The following LRFN5 variants were observed in gnomAD, a reference collection of about 807,000 sequenced individuals.
The protein encoded by LRFN5 is leucine rich repeat and fibronectin type III domain containing 5, also known as leucine-rich repeat and fibronectin type-III domain-containing protein 5.
Under a neutral mutation model 45.6 loss-of-function variants are expected in LRFN5, and 24 were observed. The observed-to-expected ratio is 0.53, with a 90% CI of 0.38 to 0.74. The LOEUF (loss-of-function observed/expected upper bound fraction) is 0.74. Ranked by LOEUF, LRFN5 falls within the 30% of genes least tolerant of loss-of-function variation. The pLI is 0.00. For missense variants in LRFN5, 776 were observed against 861.5 expected (o/e 0.90, Z 1.24); for synonymous variants, 340 against 313.8 (o/e 1.08, Z -0.88).
At chr14:41,898,388 C>A (rs1249290804) in intron 4 of LRFN5, among the ~76,000 whole-genome samples, 1 of 152,022 alleles carries the variant, frequency 6.6e-6, no homozygotes, top group African/African-American at 2.4e-5. Flanking sequence ...TACATAGGGA[C>A]AAACAGGTAC....
At chr14:41,795,349 C>T (rs1054952126) in intron 2 of LRFN5, among the ~76,000 whole-genome samples, 106 of 152,078 alleles carry the variant, frequency 7.0e-4, no homozygotes, top group Middle Eastern at 3.2e-3. Flanking sequence ...CTAGTTCAAC[C>T]ATTGTGGAAG....
At chr14:41,728,413 C>T (rs1870186069) in intron 1 of LRFN5, among the ~76,000 whole-genome samples, 1 of 152,068 alleles carries the variant, frequency 6.6e-6, no homozygotes, top group African/African-American at 2.4e-5. Context: ...TCCAAAGACT[C>T]TCAAGGAAAA....
chr14:41,621,506 A>G (rs1041107481), intron 1 of LRFN5, among the ~76,000 whole-genome samples: 10 of 152,174 alleles, frequency 6.6e-5, no homozygotes, highest in African/African-American at 2.4e-4. Context: ...GAAGGAGTTG[A>G]GACCTACAGG....
chr14:41,737,790 G>T (rs1341203964), intron 1 of LRFN5, among the ~76,000 whole-genome samples: 2 of 151,986 alleles, frequency 1.3e-5, no homozygotes, highest in African/African-American at 4.8e-5. Flanking sequence ...CAACTTACAA[G>T]GGATGTGAAG....
At chr14:41,780,772 T>C (rs1006015435) in intron 2 of LRFN5, among the ~76,000 whole-genome samples, 3 of 152,084 alleles carry the variant, frequency 2.0e-5, no homozygotes, top group African/African-American at 7.2e-5. Context: ...TTCTGCATTA[T>C]CTGGTTTTAA....
At chr14:41,803,501 C>T (rs898144494) in intron 2 of LRFN5, among the ~76,000 whole-genome samples, 1 of 151,250 alleles carries the variant, frequency 6.6e-6, no homozygotes, top group Non-Finnish European at 1.5e-5. Context: ...ACAAGTGCAC[C>T]CCTTTGTGCC....
At chr14:41,833,889 GA>G (rs763789956) in intron 2 of LRFN5, among the ~76,000 whole-genome samples, 3 of 152,170 alleles carry the variant, frequency 2.0e-5, no homozygotes, top group African/African-American at 7.2e-5. Flanking sequence ...TTAACAGGGT[GA>G]AGTTCAGTAT....
At chr14:41,701,229 A>G (rs539779326) in intron 1 of LRFN5, 2 of 152,292 alleles carry the variant, frequency 1.3e-5, no homozygotes, top group African/African-American at 4.8e-5. Context: ...TATCACTCCA[A>G]GTATTCACTA....
Position 41,820,206 on chromosome 14 carries a change from GTT to G in LRFN5, c.-21+53184_-21+53185del, listed in dbSNP as rs71105405. Among the ~76,000 whole-genome samples, 700 of 151,566 alleles carry G rather than the reference GTT, an allele frequency of 4.6e-3. 7 individuals carry two copies. The highest frequency in any genetic ancestry group is 0.016 in the African/African-American group (665 of 41,398). Reference sequence around the variant, plus strand: ...TTATTTTCGTAGGCCAAATCCCAGAGTTTTTTTTCTAGGTTTTCTTCTAGAAT... The same window carrying G: ...TTATTTTCGTAGGCCAAATCCCAGAGTTTTTTCTAGGTTTTCTTCTAGAAT... On this transcript the variant is annotated intron_variant, in intron 2 of 5. Coordinates refer to ENST00000298119, the MANE Select transcript of LRFN5 (RefSeq NM_152447.5).
At chr14:41,779,750 C>T (rs1393126866) in intron 2 of LRFN5, among the ~76,000 whole-genome samples, 8 of 151,774 alleles carry the variant, frequency 5.3e-5, no homozygotes, top group East Asian at 3.9e-4. Flanking sequence ...TCATATTGGT[C>T]GCCATAGAGT....
intron 2 of LRFN5, among the ~76,000 whole-genome samples, chr14:41,794,736 C>T (rs1413551634): frequency 6.6e-6 from 1 of 151,854 alleles, no homozygotes; most frequent in African/African-American, 2.4e-5. Context: ...TTATGCTAGT[C>T]AGAAATTGTA....
intron 4 of LRFN5, chr14:41,893,878 A>G (rs769547748): frequency 1.5e-5 from 15 of 985,180 alleles, no homozygotes; most frequent in African/African-American, 1.7e-5. Context: ...CTGCCCAGTT[A>G]TTTATTTCGT....
intron 2 of LRFN5, among the ~76,000 whole-genome samples, chr14:41,786,082 C>T (rs140430612): frequency 5.3e-4 from 81 of 152,106 alleles, no homozygotes; most frequent in African/African-American, 1.1e-3. Flanking sequence ...TATTTTTGCT[C>T]CTGTCCTTTG....
At chr14:41,735,290 C>T (rs1309772551) in intron 1 of LRFN5, among the ~76,000 whole-genome samples, 1 of 151,910 alleles carries the variant, frequency 6.6e-6, no homozygotes, top group Non-Finnish European at 1.5e-5. Flanking sequence ...TTTTTTGATA[C>T]AGTGTCTCAG....
chr14:41,886,984 G>T lies in LRFN5; in HGVS notation c.359G>T (p.Ser120Ile). Residue 120 changes from serine to isoleucine, a missense_variant, in exon 3 of 6, where the codon AGT becomes ATT. Physicochemically the swap from Ser to Ile is moderately radical, Grantham distance 142. This residue lies in a region of LRFN5 where 311 missense variants were observed against 405.1 expected (regional missense o/e 0.77). Coordinates refer to ENST00000298119, the MANE Select transcript of LRFN5 (RefSeq NM_152447.5). ...ACTAAAATTACAAATGATATGTTCA[G>T]TGGTCTTTCCAATCTTCATCATTTG... ...RLTKITNDMFSGLSNLHHLIL... is the reference protein window; with the variant it reads ...RLTKITNDMFIGLSNLHHLIL... The T allele has an allele frequency of 6.2e-7, 1 of 1,614,170 alleles. No homozygotes were observed. Among genetic ancestry groups the T allele is most frequent in the Non-Finnish European group, 8.5e-7 (1 of 1,180,028 alleles).
At chr14:41,795,190 T>G (rs1423029015) in intron 2 of LRFN5, among the ~76,000 whole-genome samples, 1 of 152,104 alleles carries the variant, frequency 6.6e-6, no homozygotes, top group Non-Finnish European at 1.5e-5. Context: ...TCATCATCGC[T>G]GGCCATCTAA....
At chr14:41,672,665 GTC>G (rs1468090819) in intron 1 of LRFN5, among the ~76,000 whole-genome samples, 2 of 152,210 alleles carry the variant, frequency 1.3e-5, no homozygotes, top group African/African-American at 2.4e-5. Context: ...CAACCAAAAT[GTC>G]TCTCTGTTTT....
chr14:41,709,913 A>T (rs1309280494), intron 1 of LRFN5, among the ~76,000 whole-genome samples: 1 of 152,098 alleles, frequency 6.6e-6, no homozygotes, highest in South Asian at 2.1e-4. Context: ...TATAGATGTA[A>T]ATATACCTAA....
chr14:41,660,305 T>A (rs1880587610), intron 1 of LRFN5, among the ~76,000 whole-genome samples: 1 of 152,052 alleles, frequency 6.6e-6, no homozygotes, highest in African/African-American at 2.4e-5. Flanking sequence ...GGATTACAGG[T>A]GTGAGCCACC....
Sources: gnomAD v4.1 joint callset for allele counts (sites outside exome capture counted in the v4.1 genomes callset) on GRCh38, gnomAD v4.1.1 for gene constraint, gnomAD v4.1.1 regional missense constraint, MANE v1.5 for transcripts, NCBI Gene and HGNC (gene_info 2026-07-23, HGNC 2026-07-21) for gene names.